The following PCDH15 variants were observed in gnomAD, a reference collection of about 807,000 sequenced individuals.
PCDH15 encodes the protein protocadherin-15.
In PCDH15, 129 loss-of-function variants were observed where a neutral mutation model predicts 178.5. The observed-to-expected ratio is 0.72, with a 90% CI of 0.63 to 0.84. PCDH15 has a LOEUF of 0.84. PCDH15 is among the 40% of genes least tolerant of loss of function. PCDH15 has a pLI of 0.00. For missense variants in PCDH15, 2,230 were observed against 2,099.9 expected (o/e 1.06, Z -1.21); for synonymous variants, 800 against 732.0 (o/e 1.09, Z -1.50).
At chr10:55,432,441 T>C (rs1838906023) in intron 2 of PCDH15, among the ~76,000 whole-genome samples, 1 of 152,140 alleles carries the variant, frequency 6.6e-6, no homozygotes, top group Admixed American at 6.6e-5. Context: ...AAGAAACCAC[T>C]TTGGTAGCTG....
intron 3 of PCDH15, among the ~76,000 whole-genome samples, chr10:54,894,998 A>G (rs1319136120): frequency 6.6e-6 from 1 of 152,200 alleles, no homozygotes; most frequent in Non-Finnish European, 1.5e-5. Flanking sequence ...ATCTATACAT[A>G]TTCATCACTC....
intron 2 of PCDH15, among the ~76,000 whole-genome samples, chr10:55,612,457 G>T (rs1843387667): frequency 6.6e-6 from 1 of 151,968 alleles, no homozygotes; most frequent in Non-Finnish European, 1.5e-5. Context: ...CAGGAAAGGG[G>T]GGACTGCTGC....
chr10:54,779,473 TACACAC>T (rs1555192811), intron 1 of PCDH15, among the ~76,000 whole-genome samples: 3 of 110,518 alleles, frequency 2.7e-5, no homozygotes, highest in Non-Finnish European at 3.9e-5. Flanking sequence ...TGTATATATA[TACACAC>T]ATATATATGT....
intron 1 of PCDH15, among the ~76,000 whole-genome samples, chr10:55,197,365 G>A (rs572958020): frequency 6.6e-6 from 1 of 152,168 alleles, no homozygotes; most frequent in African/African-American, 2.4e-5. Flanking sequence ...AATACTTGCA[G>A]AAGGAAATCC....
intron 17 of PCDH15, among the ~76,000 whole-genome samples, chr10:54,077,985 C>G (rs2135935652): frequency 6.6e-6 from 1 of 152,210 alleles, no homozygotes; most frequent in South Asian, 2.1e-4. Context: ...ATCACTTGAA[C>G]CCGGGAGGCT....
chr10:55,247,110 T>C (rs1841696667), intron 1 of PCDH15, among the ~76,000 whole-genome samples: 1 of 152,162 alleles, frequency 6.6e-6, no homozygotes, highest in Admixed American at 6.5e-5. Flanking sequence ...TTATCTTCTG[T>C]GTTTCATCAG....
intron 1 of PCDH15, among the ~76,000 whole-genome samples, chr10:54,773,614 G>A (rs1263765998): frequency 2.6e-5 from 4 of 152,168 alleles, no homozygotes; most frequent in Non-Finnish European, 5.9e-5. Flanking sequence ...AGGTAACAGA[G>A]ATGATTGTCA....
At chr10:55,002,995 C>T (rs12252330) in intron 2 of PCDH15, among the ~76,000 whole-genome samples, 117,442 of 152,130 alleles carry the variant, frequency 0.77, 45,497 homozygotes, top group East Asian at 0.87. Context: ...TTTAATTTTC[C>T]TTATTTTTAT....
chr10:55,130,579 C>A (rs1838012749), intron 2 of PCDH15, among the ~76,000 whole-genome samples: 1 of 151,920 alleles, frequency 6.6e-6, no homozygotes, highest in Non-Finnish European at 1.5e-5. Context: ...TCTTGTAAGT[C>A]AATGTCTACT....
At chr10:55,413,144 A>T (rs1370510441) in intron 2 of PCDH15, among the ~76,000 whole-genome samples, 4 of 151,828 alleles carry the variant, frequency 2.6e-5, no homozygotes, top group Non-Finnish European at 5.9e-5. Flanking sequence ...ACCCAGCAGA[A>T]GATTAAAAAT....
rs79394397 is a variant in PCDH15 at position 54,573,625 on chromosome 10, C to T, written c.92-45748G>A. Among the ~76,000 whole-genome samples the T allele has an allele frequency of 9.0e-3, 1,375 of 152,246 alleles. 17 individuals carry two copies. Among genetic ancestry groups the T allele is most frequent in the African/African-American group, 0.027 (1,121 of 41,546 alleles). ...TTGAAAAGCCATGTAGAATACACTG[C>T]GAACAATTTTACAGCCTTCATTAAT... On this transcript the variant is annotated intron_variant, in intron 2 of 37. Transcript: ENST00000644397.
At chr10:55,164,351 T>C (rs913332680) in intron 2 of PCDH15, among the ~76,000 whole-genome samples, 6 of 151,726 alleles carry the variant, frequency 4.0e-5, no homozygotes, top group Non-Finnish European at 8.8e-5. Flanking sequence ...CCTTGACCTG[T>C]TAAGACAACT....
intron 20 of PCDH15, among the ~76,000 whole-genome samples, chr10:54,013,507 C>G (rs1483542985): frequency 6.6e-6 from 1 of 152,036 alleles, no homozygotes; most frequent in African/African-American, 2.4e-5. Context: ...CACAATTGGA[C>G]ATCAAAACAA....
At chr10:55,338,910 A>G (rs1420590233) in intron 2 of PCDH15, among the ~76,000 whole-genome samples, 3 of 152,184 alleles carry the variant, frequency 2.0e-5, no homozygotes, top group African/African-American at 7.2e-5. Context: ...TCTTATTCAC[A>G]TGTGAAAGCT....
chr10:54,826,256 G>C (rs1953130723), intron 3 of PCDH15, among the ~76,000 whole-genome samples: 1 of 151,904 alleles, frequency 6.6e-6, no homozygotes, highest in Non-Finnish European at 1.5e-5. Context: ...CAATCAGTCT[G>C]TAGGTCTGAT....
chr10:55,449,596 A>C (rs1305292892), intron 2 of PCDH15, among the ~76,000 whole-genome samples: 1 of 152,178 alleles, frequency 6.6e-6, no homozygotes, highest in Non-Finnish European at 1.5e-5. Context: ...AAAAGATAGA[A>C]TACTTTAGTT....
intron 2 of PCDH15, among the ~76,000 whole-genome samples, chr10:55,498,857 A>G (rs994115217): frequency 6.6e-5 from 10 of 151,970 alleles, no homozygotes; most frequent in Admixed American, 1.3e-4. Flanking sequence ...GATGTTACAG[A>G]TAGAAATCAG....
In PCDH15 at chr10:53,909,092, C is replaced by A. The variant is rs181816104; in HGVS notation, c.3374-5722G>T. Among the ~76,000 whole-genome samples the A allele has an allele frequency of 1.9e-3, 289 of 152,220 alleles. 1 individual carries two copies. Among genetic ancestry groups the A allele is most frequent in the Non-Finnish European group, 1.7e-3 (114 of 68,020 alleles). ...TAATCCTCACGTATCGACGGAAGAA[C>A]CTGGTGGGAGGTGATCAGATCATGG... On this transcript the variant is annotated intron_variant, in intron 25 of 37. Coordinates refer to ENST00000644397, the MANE Select transcript of PCDH15 (RefSeq NM_001384140.1).
chr10:55,221,113 A>G (rs1273281838), intron 1 of PCDH15, among the ~76,000 whole-genome samples: 2 of 152,070 alleles, frequency 1.3e-5, no homozygotes, highest in Non-Finnish European at 2.9e-5. Flanking sequence ...AATGGATCTT[A>G]AAAATGTGGA....
Sources: gnomAD v4.1 joint callset for allele counts (sites outside exome capture counted in the v4.1 genomes callset) on GRCh38, gnomAD v4.1.1 for gene constraint, MANE v1.5 for transcripts, NCBI Gene and HGNC (gene_info 2026-07-23, HGNC 2026-07-21) for gene names.